The following MAD1L1 variants were observed in gnomAD, a reference collection of about 807,000 sequenced individuals.
MAD1L1 encodes mitotic spindle assembly checkpoint protein MAD1.
In MAD1L1, 95 loss-of-function variants were observed where a neutral mutation model predicts 96.9. The observed-to-expected ratio is 0.98, with a 90% CI of 0.83 to 1.16. The LOEUF (loss-of-function observed/expected upper bound fraction) is 1.16. MAD1L1 is among the 50% of genes most tolerant of loss of function. The probability of loss-of-function intolerance (pLI) is 0.00; values close to 1 mark genes in which losing one functional copy is unlikely to be tolerated. For synonymous variants in MAD1L1, 473 were observed against 396.6 expected (o/e 1.19, Z -2.29); for missense variants, 1,007 against 954.4 (o/e 1.06, Z -0.73).
At chr7:1,819,016 G>A (rs1433511420) in intron 18 of MAD1L1, among the ~76,000 whole-genome samples, 2 of 152,014 alleles carry the variant, frequency 1.3e-5, no homozygotes, top group Non-Finnish European at 1.5e-5. Flanking sequence ...TTCCCCCAGC[G>A]TACCCAGCCA....
In MAD1L1 at chr7:2,032,715, G is replaced by A. The variant is rs376198722; in HGVS notation, c.1219-18073C>T. On this transcript the variant is annotated intron_variant, in intron 12 of 18. Transcript: ENST00000265854. ...GTGCTGCTTCTGGCATTTTGAATTC[G>A]CGCCCAGGGCTGTGGGCTCCCACCA... Among the ~76,000 whole-genome samples the A allele has an allele frequency of 5.9e-5, 9 of 152,284 alleles. No individual in the cohort carries two copies. In the East Asian group the frequency reaches 7.7e-4, roughly 13 times the overall value.
intron 10 of MAD1L1, among the ~76,000 whole-genome samples, chr7:2,196,168 T>C (rs1562360578): frequency 6.6e-6 from 1 of 152,224 alleles, no homozygotes; most frequent in Non-Finnish European, 1.5e-5. Flanking sequence ...GAACCCAGCT[T>C]AGTCCACAGG....
chr7:2,222,588 G>C lies in MAD1L1; in HGVS notation c.458C>G (p.Ala153Gly). The C allele has an allele frequency of 6.2e-7, 1 of 1,607,586 alleles. No individual in the cohort carries two copies. The highest frequency in any genetic ancestry group is 8.5e-7 in the Non-Finnish European group (1 of 1,177,240). Reference protein sequence around the residue: ...KRLREKEDSLAQAGETINALK... With the variant: ...KRLREKEDSLGQAGETINALK... ...GGCCCCGCTCACCTCGCCAGCCTGG[G>C]CCAGACTGTCCTCTTTCTCACGCAG... Residue 153 changes from alanine (A) to glycine (G), a missense_variant, in exon 5 of 19, where the codon GCC (alanine) becomes GGC (glycine). Transcript: ENST00000265854.
intron 18 of MAD1L1, among the ~76,000 whole-genome samples, chr7:1,830,561 T>G (rs1241567097): frequency 6.6e-6 from 1 of 152,144 alleles, no homozygotes; most frequent in Non-Finnish European, 1.5e-5. Context: ...TAAACAGAAA[T>G]AAAAACAAAG....
chr7:2,228,402 G>A (rs1167374305), intron 3 of MAD1L1, among the ~76,000 whole-genome samples: 1 of 151,974 alleles, frequency 6.6e-6, no homozygotes, highest in Non-Finnish European at 1.5e-5. Context: ...GGGATTACAG[G>A]TGCCCACACC....
At chr7:2,189,882 A>C (rs1243274815) in intron 10 of MAD1L1, among the ~76,000 whole-genome samples, 2 of 152,198 alleles carry the variant, frequency 1.3e-5, no homozygotes, top group Admixed American at 1.3e-4. Flanking sequence ...CAAGACCCTA[A>C]AACTAACCTC....
intron 7 of MAD1L1, among the ~76,000 whole-genome samples, chr7:2,217,151 A>G (rs1456956553): frequency 6.6e-6 from 1 of 152,222 alleles, no homozygotes; most frequent in Admixed American, 6.5e-5. Flanking sequence ...CACGTGTGAC[A>G]GCTCAGTCTT....
chr7:2,232,759 T>C (rs1452075976), intron 1 of MAD1L1, 113 bp downstream of exon 1: 2 of 152,100 alleles, frequency 1.3e-5, no homozygotes, highest in African/African-American at 4.8e-5. Flanking sequence ...GTCTGGGTCG[T>C]TGTGCCCCAC....
chr7:1,940,935 CCAGGCCTCACCCTCCTCTTCCTCCCCCCG>C (rs1345176132), intron 16 of MAD1L1, among the ~76,000 whole-genome samples: 44 of 93,882 alleles, frequency 4.7e-4, no homozygotes, highest in South Asian at 1.7e-3. Context: ...CCCTCCTCCC[CCAGGCCTCACCCTCCTCTTCCTCCCCCCG>C]CAGGCCTCAC....
At chr7:1,992,251 C>T (rs925593899) in intron 14 of MAD1L1, among the ~76,000 whole-genome samples, 5 of 152,140 alleles carry the variant, frequency 3.3e-5, no homozygotes, top group Non-Finnish European at 7.3e-5. Context: ...ATACCCAGCC[C>T]CATTTACACT....
rs1474079425 is a variant in MAD1L1 at position 2,172,646 on chromosome 7, T to A, written c.987-23408A>T. On this transcript the variant is annotated intron_variant, in intron 10 of 18. Coordinates refer to ENST00000265854, the MANE Select transcript of MAD1L1 (RefSeq NM_001013836.2). ...TTCCCAGCAGCATCCAGCAAAGCCG[T>A]CAGTAGTCCTCGTGGTGCCAGCTCG... Among the ~76,000 whole-genome samples, 45 of 152,166 alleles carry A rather than the reference T, an allele frequency of 3.0e-4. 1 individual carries two copies. The highest frequency in any genetic ancestry group is 2.9e-3 in the Admixed American group (45 of 15,288).
chr7:1,909,572 A>C (rs1269376112), intron 17 of MAD1L1, among the ~76,000 whole-genome samples: 1 of 152,016 alleles, frequency 6.6e-6, no homozygotes, highest in East Asian at 1.9e-4. Flanking sequence ...ACCCCCCGGG[A>C]TGTCACCCGT....
chr7:2,128,377 G>A (rs1366644511), intron 11 of MAD1L1, among the ~76,000 whole-genome samples: 6 of 152,000 alleles, frequency 3.9e-5, no homozygotes, highest in Non-Finnish European at 7.4e-5. Flanking sequence ...GGGCGGAGGA[G>A]GCCAGACCAC....
At chr7:1,843,374 C>T (rs1178376546) in intron 18 of MAD1L1, among the ~76,000 whole-genome samples, 1 of 152,166 alleles carries the variant, frequency 6.6e-6, no homozygotes, top group Non-Finnish European at 1.5e-5. Flanking sequence ...CCCTCACGGC[C>T]AGGGAGGCCG....
chr7:2,022,573 T>G (rs935105361), intron 12 of MAD1L1, among the ~76,000 whole-genome samples: 1 of 150,980 alleles, frequency 6.6e-6, no homozygotes, highest in African/African-American at 2.4e-5. Context: ...AAAAATTCTG[T>G]GCTAACAGAA....
chr7:1,943,061 T>C (rs1779073924), intron 16 of MAD1L1, among the ~76,000 whole-genome samples: 1 of 152,124 alleles, frequency 6.6e-6, no homozygotes, highest in Admixed American at 6.5e-5. Flanking sequence ...GCTGGGACAA[T>C]GGGCTGGCGC....
chr7:1,960,824 A>G (rs1210350156), intron 15 of MAD1L1, among the ~76,000 whole-genome samples: 1 of 152,224 alleles, frequency 6.6e-6, no homozygotes, highest in African/African-American at 2.4e-5. Context: ...TCGACTCTTA[A>G]GAGCAGGAGA....
intron 18 of MAD1L1, among the ~76,000 whole-genome samples, chr7:1,842,882 C>T (rs565286233): frequency 6.6e-6 from 1 of 152,260 alleles, no homozygotes; most frequent in Non-Finnish European, 1.5e-5. Flanking sequence ...GGCTGCCTTG[C>T]GGCTGGTTCC....
At chr7:1,919,322 A>G (rs1346382851) in intron 17 of MAD1L1, among the ~76,000 whole-genome samples, 1 of 152,220 alleles carries the variant, frequency 6.6e-6, no homozygotes, top group Admixed American at 6.5e-5. Flanking sequence ...CCGGCCTCAG[A>G]TGGACACACG....
Sources: gnomAD v4.1 joint callset for allele counts (sites outside exome capture counted in the v4.1 genomes callset) on GRCh38, gnomAD v4.1.1 for gene constraint, MANE v1.5 for transcripts, NCBI Gene and HGNC (gene_info 2026-07-23, HGNC 2026-07-21) for gene names.